TBC1D4: variants seen among roughly 807,000 people sequenced by gnomAD.
TBC1D4 encodes TBC1 domain family member 4, also known as TBC (Tre-2, BUB2, CDC16) domain-containing protein.
In TBC1D4, 121 loss-of-function variants were observed where a neutral mutation model predicts 142.5. The observed-to-expected ratio is 0.85, with a 90% CI of 0.73 to 0.99. TBC1D4 has a LOEUF of 0.99. TBC1D4 is among the 50% of genes least tolerant of loss of function. The pLI is 0.00. For missense variants in TBC1D4, 1,475 were observed against 1,606.6 expected, an observed-to-expected ratio of 0.92 and a Z score of 1.40; for synonymous variants, 630 against 628.2, an observed-to-expected ratio of 1.00 and a Z score of -0.04.
intron 1 of TBC1D4, among the ~76,000 whole-genome samples, chr13:75,367,757 C>T (rs568075783): frequency 6.6e-6 from 1 of 152,162 alleles, no homozygotes; most frequent in African/African-American, 2.4e-5. Context: ...CCAGGCAACA[C>T]GGGGATGATG....
At chr13:75,415,355 C>T (rs1885873177) in intron 1 of TBC1D4, among the ~76,000 whole-genome samples, 1 of 152,114 alleles carries the variant, frequency 6.6e-6, no homozygotes, top group African/African-American at 2.4e-5. Flanking sequence ...GAATGGGTGA[C>T]ATGAGAAAAA....
chr13:75,427,741 T>A (rs1264907416), intron 1 of TBC1D4, among the ~76,000 whole-genome samples: 1 of 152,234 alleles, frequency 6.6e-6, no homozygotes, highest in Admixed American at 6.5e-5. Flanking sequence ...CTAGGATCCC[T>A]GGGTCACTGA....
chr13:75,339,791 T>C (rs1326123376), intron 7 of TBC1D4, among the ~76,000 whole-genome samples: 2 of 152,064 alleles, frequency 1.3e-5, no homozygotes, highest in African/African-American at 4.8e-5. Flanking sequence ...TTGGCCAGAC[T>C]CTAAACTCCT....
chr13:75,420,740 T>C (rs1287853755), intron 1 of TBC1D4, among the ~76,000 whole-genome samples: 1 of 152,154 alleles, frequency 6.6e-6, no homozygotes, highest in Non-Finnish European at 1.5e-5. Context: ...ATTTAATAAG[T>C]TACACCAAAT....
At position 75,410,898 on chromosome 13, in the gene TBC1D4, T is replaced by C. The variant is rs953104509; in HGVS notation, c.499-48291A>G. Reference sequence around the variant, plus strand: ...TTGCAGTGAGCCGAGATCGCGCCACTGCACTCCAGCCTGGGCGACAGAGCG... The same window carrying C: ...TTGCAGTGAGCCGAGATCGCGCCACCGCACTCCAGCCTGGGCGACAGAGCG... On this transcript the variant is annotated intron_variant, in intron 1 of 20. Coordinates refer to ENST00000377636, the MANE Select transcript of TBC1D4 (RefSeq NM_014832.5). 6.3e-4 allele frequency among the ~76,000 whole-genome samples: 71 copies of C among 113,598 alleles called. 1 individual carries two copies. In the East Asian group the frequency reaches 9.0e-3, roughly 14 times the overall value. The allele number at this position is 113,598 out of a possible 152,430, so 74.5% of individuals were successfully genotyped here. A position where few individuals can be genotyped will look rare whatever the true frequency, so the allele number is the denominator to read the frequency against.
In TBC1D4 at chr13:75,287,721, A is replaced by T. The variant is rs143792450; in HGVS notation, c.3664-696T>A. Among the ~76,000 whole-genome samples the T allele has an allele frequency of 1.8e-4, 27 of 152,350 alleles. No homozygotes were observed. The East Asian group carries it at 5.2e-3, about 29-fold the overall frequency. ...AGCCAATGTAAGACAAAGCGAAGGA[A>T]GTTTAGTGTTCCCATTCTTGGGAAG... On this transcript the variant is annotated intron_variant, in intron 20 of 20. Coordinates refer to ENST00000377636, the MANE Select transcript of TBC1D4 (RefSeq NM_014832.5).
chr13:75,390,849 AG>A (rs1884435115), intron 1 of TBC1D4, among the ~76,000 whole-genome samples: 2 of 138 alleles, frequency 0.014, no homozygotes, highest in East Asian at 0.12. Flanking sequence ...GAAGGAAGGG[AG>A]GGGAGGGGAG....
rs1378407523 is a variant in TBC1D4 at position 75,326,217 on chromosome 13, C to G, written c.2013G>C (p.Gln671His). The G allele has an allele frequency of 2.5e-6, 4 of 1,614,060 alleles. No homozygotes were observed. Among genetic ancestry groups the G allele is most frequent in the African/African-American group, 2.7e-5 (2 of 74,936 alleles). ...CTCACCTGCACTGTTCACTGGAGCT[C>G]TGCCTCAGCAGAGGGGAACGCACAC... is the stretch of plus-strand genomic sequence containing the variant. Reference protein sequence around the residue: ...AQGVRSPLLRQSSSEQCSNLS... With the variant: ...AQGVRSPLLRHSSSEQCSNLS... Residue 671 changes from glutamine (Q) to histidine (H), a missense_variant, in exon 10 of 21, where the codon CAG becomes CAC. By Grantham distance (24) the Gln-to-His change is conservative (BLOSUM62 0). This residue lies in a region of TBC1D4 where 1,227 missense variants were observed against 1,267.7 expected (regional missense o/e 0.97). Transcript: ENST00000377636.
At chr13:75,356,105 A>T in intron 4 of TBC1D4, 42 bp downstream of exon 4, 1 of 1,454,996 alleles carries the variant, frequency 6.9e-7, no homozygotes, top group Non-Finnish European at 9.6e-7. Flanking sequence ...TGTTCGACAG[A>T]TGTGTCCGCA....
rs957403804 is a variant in TBC1D4 at position 75,327,870 on chromosome 13, T to C, written c.1732-44A>G. The C allele has an allele frequency of 1.9e-6, 3 of 1,596,870 alleles. 1 individual carries two copies. Among genetic ancestry groups the C allele is most frequent in the Non-Finnish European group, 2.6e-6 (3 of 1,164,690 alleles). ...ATTAAGTGCTTCGTGTGATTTAAAA[T>C]TTTACTTCAAAACTATAAAAGGTAG... On this transcript the variant is annotated intron_variant, in intron 8 of 20. Coordinates refer to ENST00000377636, the MANE Select transcript of TBC1D4 (RefSeq NM_014832.5).
At chr13:75,479,773 A>G (rs1404439591) in intron 1 of TBC1D4, among the ~76,000 whole-genome samples, 5 of 152,268 alleles carry the variant, frequency 3.3e-5, no homozygotes, top group African/African-American at 1.2e-4. Flanking sequence ...TAAGTTTTGA[A>G]CAAATGTTCA....
chr13:75,454,021 C>G (rs1213824047), intron 1 of TBC1D4, among the ~76,000 whole-genome samples: 1 of 114,968 alleles, frequency 8.7e-6, no homozygotes, highest in Non-Finnish European at 1.8e-5. Flanking sequence ...TGTAATAAAT[C>G]TCTATTTTTT....
intron 5 of TBC1D4, among the ~76,000 whole-genome samples, chr13:75,347,601 G>A (rs992075306): frequency 3.9e-5 from 6 of 152,064 alleles, no homozygotes; most frequent in Admixed American, 2.0e-4. Context: ...TTTACACTGA[G>A]GACTTTGATC....
Position 75,481,682 on chromosome 13 carries a change from C to G in TBC1D4, c.86G>C (p.Gly29Ala). Residue 29 changes from glycine (G) to alanine (A), a missense_variant, in exon 1 of 21, where the codon GGG becomes GCG. Coordinates refer to ENST00000377636, the MANE Select transcript of TBC1D4 (RefSeq NM_014832.5). The part of the protein sequence containing the change: ...EPGVSAQPGP[G>A]KPSDKRFRLW... ...CCGGAACCGCTTATCGCTTGGCTTCCCGGGGCCGGGCTGAGCTGAGACGCC... is the reference window on the plus strand; with the variant it reads ...CCGGAACCGCTTATCGCTTGGCTTCGCGGGGCCGGGCTGAGCTGAGACGCC... 2 of 1,601,092 alleles carry G rather than the reference C, an allele frequency of 1.2e-6. No homozygotes were observed. Among genetic ancestry groups the G allele is most frequent in the Non-Finnish European group, 1.7e-6 (2 of 1,174,638 alleles).
At chr13:75,351,204 C>T (rs953503885) in intron 4 of TBC1D4, among the ~76,000 whole-genome samples, 71 of 152,200 alleles carry the variant, frequency 4.7e-4, no homozygotes, top group African/African-American at 1.6e-3. Context: ...ATAATGCAGA[C>T]GATGCTCATA....
chr13:75,479,299 C>T (rs1337716348), intron 1 of TBC1D4, among the ~76,000 whole-genome samples: 1 of 152,114 alleles, frequency 6.6e-6, no homozygotes, highest in African/African-American at 2.4e-5. Context: ...ATCAAACACT[C>T]ATCTGGGAAA....
chr13:75,412,853 A>G (rs1240585807), intron 1 of TBC1D4, among the ~76,000 whole-genome samples: 3 of 152,248 alleles, frequency 2.0e-5, no homozygotes, highest in Admixed American at 2.0e-4. Flanking sequence ...CATAAACCAC[A>G]TTTAGGCAAC....
intron 4 of TBC1D4, among the ~76,000 whole-genome samples, chr13:75,350,940 T>C (rs1881538620): frequency 6.6e-6 from 1 of 152,312 alleles, no homozygotes; most frequent in Non-Finnish European, 1.5e-5. Context: ...ATAAATTCTA[T>C]TATGAGATCA....
intron 1 of TBC1D4, among the ~76,000 whole-genome samples, chr13:75,409,822 C>T (rs1279538684): frequency 6.6e-6 from 1 of 152,280 alleles, no homozygotes; most frequent in South Asian, 2.1e-4. Context: ...TGCTAGATAG[C>T]TATAAAGGTC....
Sources: gnomAD v4.1 joint callset for allele counts (sites outside exome capture counted in the v4.1 genomes callset) on GRCh38, gnomAD v4.1.1 for gene constraint, gnomAD v4.1.1 regional missense constraint, MANE v1.5 for transcripts, NCBI Gene and HGNC (gene_info 2026-07-23, HGNC 2026-07-21) for gene names.